Variants in DAB1 observed in about 807,000 individuals in gnomAD.
DAB1 encodes the protein disabled homolog 1.
DAB1 carries 15 observed loss-of-function variants against 64.6 expected under a neutral mutation model. That is an observed-to-expected ratio of 0.23 (90% CI 0.16 to 0.36). The LOEUF (loss-of-function observed/expected upper bound fraction) is 0.36, where lower values mean the gene tolerates loss of function less well. DAB1 is among the 10% of genes least tolerant of loss of function. The probability of loss-of-function intolerance (pLI) is 1.00; values close to 1 mark genes in which losing one functional copy is unlikely to be tolerated. For missense variants in DAB1, 596 were observed against 706.7 expected, an observed-to-expected ratio of 0.84 and a Z score of 1.78; for synonymous variants, 235 against 251.9, an observed-to-expected ratio of 0.93 and a Z score of 0.64.
chr1:57,333,019 G>A (rs564538868), intron 1 of DAB1, among the ~76,000 whole-genome samples: 108 of 152,230 alleles, frequency 7.1e-4, no homozygotes, highest in Non-Finnish European at 1.1e-3. Context: ...TTCCCATCCC[G>A]TAGATCCTAG....
At chr1:57,812,826 G>A (rs1312839924) in intron 6 of DAB1, among the ~76,000 whole-genome samples, 1 of 152,200 alleles carries the variant, frequency 6.6e-6, no homozygotes, top group Non-Finnish European at 1.5e-5. Flanking sequence ...AGGATTGACA[G>A]CTTTCACAAT....
intron 7 of DAB1, among the ~76,000 whole-genome samples, chr1:57,465,104 T>A (rs1390691675): frequency 3.9e-5 from 6 of 152,276 alleles, no homozygotes; most frequent in African/African-American, 1.2e-4. Context: ...AGGCTTCCTG[T>A]CCTCTAGTTC....
chr1:58,267,902 C>T (rs914824295), intron 4 of DAB1, among the ~76,000 whole-genome samples: 2 of 152,138 alleles, frequency 1.3e-5, no homozygotes. Context: ...CTCAAAACTC[C>T]CTATTGCAGT....
At chr1:57,358,704 A>G (rs1190710531) in intron 1 of DAB1, among the ~76,000 whole-genome samples, 1 of 152,132 alleles carries the variant, frequency 6.6e-6, no homozygotes, top group Non-Finnish European at 1.5e-5. Context: ...AACTGGAGGC[A>G]TCACACTACC....
At chr1:57,342,875 C>T (rs1677721108) in intron 1 of DAB1, among the ~76,000 whole-genome samples, 1 of 152,142 alleles carries the variant, frequency 6.6e-6, no homozygotes, top group South Asian at 2.1e-4. Context: ...AAGCTGCAGA[C>T]CTTTGCGGTG....
At chr1:57,593,167 C>A (rs1471613583) in intron 7 of DAB1, among the ~76,000 whole-genome samples, 2 of 152,180 alleles carry the variant, frequency 1.3e-5, no homozygotes, top group African/African-American at 4.8e-5. Flanking sequence ...CTCCTTCTCC[C>A]CAGCCCCTGA....
chr1:57,838,907 G>T (rs1652929338), intron 1 of DAB1, among the ~76,000 whole-genome samples: 1 of 151,744 alleles, frequency 6.6e-6, no homozygotes, highest in Non-Finnish European at 1.5e-5. Flanking sequence ...CTCCCAAGTA[G>T]CTGGGACTAT....
intron 6 of DAB1, among the ~76,000 whole-genome samples, chr1:57,667,648 T>A (rs950937799): frequency 6.6e-6 from 1 of 152,192 alleles, no homozygotes; most frequent in Middle Eastern, 3.4e-3. Context: ...CTACATACGA[T>A]TTTTGGGCAT....
At chr1:58,459,599 CAG>C (rs1645223444) in intron 3 of DAB1, among the ~76,000 whole-genome samples, 2 of 152,340 alleles carry the variant, frequency 1.3e-5, no homozygotes, top group South Asian at 4.2e-4. Context: ...AATAAGAGTG[CAG>C]AGAGAGAAGG....
At chr1:58,545,386 G>T (rs1023425569) in intron 1 of DAB1, among the ~76,000 whole-genome samples, 1 of 152,090 alleles carries the variant, frequency 6.6e-6, no homozygotes, top group African/African-American at 2.4e-5. Context: ...GTGTCGTTTT[G>T]AATAGAAACA....
chr1:57,224,051 C>A (rs1007648180), intron 2 of DAB1, among the ~76,000 whole-genome samples: 1 of 152,180 alleles, frequency 6.6e-6, no homozygotes, highest in Non-Finnish European at 1.5e-5. Context: ...GCACTTAGAA[C>A]TTTACACTGC....
At chr1:57,934,301 C>A (rs12048666) in intron 5 of DAB1, among the ~76,000 whole-genome samples, 2,892 of 152,156 alleles carry the variant, frequency 0.019, 63 homozygotes, top group East Asian at 0.081. Flanking sequence ...TTTGAAAAGA[C>A]TTAAAAGTTA....
intron 3 of DAB1, among the ~76,000 whole-genome samples, chr1:58,496,855 A>G (rs374511252): frequency 4.5e-4 from 68 of 152,282 alleles, no homozygotes; most frequent in African/African-American, 1.6e-3. Flanking sequence ...TCTCGTGAAG[A>G]CACATTTCTC....
At chr1:57,855,183 G>T (rs1049539413) in intron 1 of DAB1, among the ~76,000 whole-genome samples, 2 of 152,072 alleles carry the variant, frequency 1.3e-5, no homozygotes, top group Non-Finnish European at 2.9e-5. Flanking sequence ...AGGAAGCTGA[G>T]GGGGAGGGGT....
rs1587754 is a variant in DAB1, at chr1:58,511,276, C to T, written n.108-5067G>A. Among the ~76,000 whole-genome samples the T allele has an allele frequency of 7.8e-3, 1,187 of 152,136 alleles. 21 individuals carry two copies. The highest frequency in any genetic ancestry group is 0.027 in the African/African-American group (1,135 of 41,506). On this transcript the variant is annotated intron_variant and non_coding_transcript_variant, in intron 2 of 20. Transcript: ENST00000485760. ...AGTATAGTATTAGCAGAAAGATAACCGTTAAATGAATGGAACAGAAGAGAG... is the reference window on the plus strand; with the variant it reads ...AGTATAGTATTAGCAGAAAGATAACTGTTAAATGAATGGAACAGAAGAGAG...
At chr1:58,543,654 T>C (rs1646656454) in intron 1 of DAB1, among the ~76,000 whole-genome samples, 1 of 152,186 alleles carries the variant, frequency 6.6e-6, no homozygotes, top group Non-Finnish European at 1.5e-5. Flanking sequence ...CCTACCCTGG[T>C]AAATACCAGG....
intron 3 of DAB1, among the ~76,000 whole-genome samples, chr1:58,493,395 T>C (rs988579184): frequency 0.014 from 2,198 of 152,158 alleles, 54 homozygotes; most frequent in African/African-American, 0.05. Flanking sequence ...CTATTCAACA[T>C]AGTGTTGGAA....
intron 4 of DAB1, among the ~76,000 whole-genome samples, chr1:58,185,860 C>A (rs1451749354): frequency 6.6e-6 from 1 of 152,194 alleles, no homozygotes; most frequent in Non-Finnish European, 1.5e-5. Context: ...CATTGAGTTT[C>A]TCTGAACCTC....
chr1:58,224,279 A>T (rs1246102351), intron 4 of DAB1, among the ~76,000 whole-genome samples: 1 of 152,228 alleles, frequency 6.6e-6, no homozygotes, highest in Non-Finnish European at 1.5e-5. Flanking sequence ...AGTGTCTAGC[A>T]CAAGAGCTTA....
Sources: gnomAD v4.1 joint callset for allele counts (sites outside exome capture counted in the v4.1 genomes callset) on GRCh38, gnomAD v4.1.1 for gene constraint, MANE v1.5 for transcripts, NCBI Gene and HGNC (gene_info 2026-07-23, HGNC 2026-07-21) for gene names.